CDC42BPB: variants seen among roughly 807,000 people sequenced by gnomAD.
CDC42BPB encodes the protein serine/threonine-protein kinase MRCK beta.
Under a neutral mutation model 214.9 loss-of-function variants are expected in CDC42BPB, and 37 were observed. That is an observed-to-expected ratio of 0.17 (90% confidence interval 0.13 to 0.23). CDC42BPB has a LOEUF of 0.23. Among genes scored for constraint, CDC42BPB ranks in the 10% least tolerant of loss-of-function variants. The probability of loss-of-function intolerance (pLI) is 1.00; values close to 1 mark genes in which losing one functional copy is unlikely to be tolerated. For missense variants in CDC42BPB, 1,694 were observed against 2,227.0 expected, an observed-to-expected ratio of 0.76 and a Z score of 4.82; for synonymous variants, 931 against 884.0, an observed-to-expected ratio of 1.05 and a Z score of -0.94.
intron 11 of CDC42BPB, among the ~76,000 whole-genome samples, chr14:102,974,774 A>G (rs935724644): frequency 6.6e-6 from 1 of 152,056 alleles, no homozygotes; most frequent in African/African-American, 2.4e-5. Flanking sequence ...TGGCTAACAC[A>G]GTGAAATCCT....
At chr14:102,995,811 C>G (rs568602889) in intron 5 of CDC42BPB, among the ~76,000 whole-genome samples, 1 of 152,164 alleles carries the variant, frequency 6.6e-6, no homozygotes, top group Non-Finnish European at 1.5e-5. Flanking sequence ...CATCGGCCAG[C>G]GGCACCACTC....
chr14:102,952,802 G>C, intron 23 of CDC42BPB, 199 bp from the exon 24 acceptor site: 1 of 886,404 alleles, frequency 1.1e-6, no homozygotes, highest in Non-Finnish European at 1.4e-6. Context: ...CTGAGCCAGA[G>C]AGAGGCCAAC....
intron 6 of CDC42BPB, among the ~76,000 whole-genome samples, chr14:102,985,149 G>A (rs553940037): frequency 6.6e-6 from 1 of 151,584 alleles, no homozygotes; most frequent in African/African-American, 2.4e-5. Flanking sequence ...TGGTGTGGAG[G>A]TCAGGAGGGT....
chr14:102,939,354 C>T lies in CDC42BPB; in HGVS notation c.4827+256G>A, dbSNP rs75399242. On this transcript the variant is annotated intron_variant, in intron 34 of 36. Transcript: ENST00000361246. ...CTTAGGAAGCCCTCACAGGCCGAAACGTGGTGGACTCTCACAAGTACCTGC... is the reference window on the plus strand; with the variant it reads ...CTTAGGAAGCCCTCACAGGCCGAAATGTGGTGGACTCTCACAAGTACCTGC... Among the ~76,000 whole-genome samples, 753 of 152,374 alleles carry T rather than the reference C, an allele frequency of 4.9e-3. 4 individuals carry two copies. Among genetic ancestry groups the T allele is most frequent in the Non-Finnish European group, 8.3e-3 (565 of 68,036 alleles).
intron 1 of CDC42BPB, chr14:103,041,525 C>T: frequency 1.4e-6 from 2 of 1,386,522 alleles, no homozygotes; most frequent in South Asian, 1.2e-5. Flanking sequence ...TGGCAGCTGG[C>T]TCGTGGCCAC....
intron 9 of CDC42BPB, among the ~76,000 whole-genome samples, chr14:102,976,576 C>A (rs1893756882): frequency 1.3e-5 from 2 of 152,266 alleles, no homozygotes; most frequent in South Asian, 2.1e-4. Context: ...GAGGCACAGG[C>A]TGAAGCCCAG....
At chr14:103,050,068 C>T (rs1300272513) in intron 1 of CDC42BPB, among the ~76,000 whole-genome samples, 1 of 152,184 alleles carries the variant, frequency 6.6e-6, no homozygotes, top group Non-Finnish European at 1.5e-5. Flanking sequence ...ATTTCAAATT[C>T]TAATACTGAA....
rs1354189397 is a variant in CDC42BPB at position 102,968,327 on chromosome 14, T to G, written c.2272A>C (p.Ile758Leu). ...CTTTCTCGTTCGTATTTATCTTTTATTGTACCTACTGCCTCCTCCATCTCG... is the reference window on the plus strand; with the variant it reads ...CTTTCTCGTTCGTATTTATCTTTTAGTGTACCTACTGCCTCCTCCATCTCG... ...HNEMEEAVGT[I>L]KDKYERERAM... The change falls in exon 16 of 37, where the codon ATA becomes CTA. Residue 758 changes from isoleucine (I) to leucine (L), a missense_variant. By Grantham distance (5) the Ile-to-Leu change is conservative. Coordinates refer to ENST00000361246, the MANE Select transcript of CDC42BPB (RefSeq NM_006035.4). The G allele has an allele frequency of 6.2e-7, 1 of 1,614,188 alleles. No individual in the cohort carries two copies. The highest frequency in any genetic ancestry group is 8.5e-7 in the Non-Finnish European group (1 of 1,180,024).
intron 21 of CDC42BPB, chr14:102,956,474 G>A (rs1892709838): frequency 1.0e-6 from 1 of 971,312 alleles, no homozygotes; most frequent in Non-Finnish European, 1.2e-6. Context: ...AGCTCTAACA[G>A]ACCCAGCCCC....
rs187728219 is a variant in CDC42BPB at position 103,051,562 on chromosome 14, G to A, written c.175+5437C>T. 6.6e-3 allele frequency among the ~76,000 whole-genome samples: 1,007 copies of A among 152,268 alleles called. 5 individuals carry two copies. The highest frequency in any genetic ancestry group is 8.9e-3 in the Non-Finnish European group (605 of 68,024). ...AGTATCACTAATGTCAGCGCAACCA[G>A]GAGACATCTAAGGGCACCTGGCTTG... On this transcript the variant is annotated intron_variant, in intron 1 of 36. Transcript: ENST00000361246.
At chr14:103,044,698 C>T (rs962085228) in intron 1 of CDC42BPB, among the ~76,000 whole-genome samples, 3 of 150,310 alleles carry the variant, frequency 2.0e-5, no homozygotes, top group African/African-American at 2.4e-5. Context: ...TTTGCAGAGA[C>T]GGGGGTCTCA....
chr14:103,028,948 T>C (rs559221218), intron 1 of CDC42BPB, among the ~76,000 whole-genome samples: 6 of 152,310 alleles, frequency 3.9e-5, no homozygotes, highest in Non-Finnish European at 7.3e-5. Flanking sequence ...CTTCTGCATA[T>C]AAACCATTTT....
intron 36 of CDC42BPB, among the ~76,000 whole-genome samples, chr14:102,934,824 A>G (rs551459259): frequency 7.2e-4 from 110 of 152,018 alleles, no homozygotes; most frequent in Non-Finnish European, 1.3e-3. Context: ...ATCCTAACAC[A>G]GTGAAACCCT....
At chr14:102,946,771 C>T (rs1892199031) in intron 27 of CDC42BPB, 87 bp from the exon 28 acceptor site, 5 of 1,532,576 alleles carry the variant, frequency 3.3e-6, no homozygotes, top group South Asian at 2.5e-5. Context: ...GAGCCACGCA[C>T]CCCAGGAGCA....
At chr14:102,970,510 A>C in intron 13 of CDC42BPB, 2 of 318,792 alleles carry the variant, frequency 6.3e-6, no homozygotes, top group Non-Finnish European at 9.1e-6. Flanking sequence ...GAAAGGATAC[A>C]TTTCTTGAAA....
intron 17 of CDC42BPB, 72 bp from the exon 18 acceptor site, chr14:102,966,459 T>C: frequency 1.3e-6 from 2 of 1,583,056 alleles, no homozygotes; most frequent in Non-Finnish European, 1.7e-6. Context: ...GAAGGGGACG[T>C]TCCCGCCTTC....
chr14:103,013,134 G>C (rs1886249864), intron 1 of CDC42BPB, among the ~76,000 whole-genome samples: 1 of 152,220 alleles, frequency 6.6e-6, no homozygotes, highest in Non-Finnish European at 1.5e-5. Context: ...CCTATCGAGA[G>C]AGCAACTGAT....
At chr14:103,033,350 T>G (rs1435455500) in intron 1 of CDC42BPB, among the ~76,000 whole-genome samples, 1 of 152,274 alleles carries the variant, frequency 6.6e-6, no homozygotes, top group South Asian at 2.1e-4. Flanking sequence ...GCCTCCCAAG[T>G]AGCTGGGACT....
At chr14:103,055,350 G>A (rs552816971) in intron 1 of CDC42BPB, among the ~76,000 whole-genome samples, 1 of 152,338 alleles carries the variant, frequency 6.6e-6, no homozygotes, top group East Asian at 1.9e-4. Context: ...TTGAACCCAG[G>A]AGATGGAGGT....
Sources: gnomAD v4.1 joint callset for allele counts (sites outside exome capture counted in the v4.1 genomes callset) on GRCh38, gnomAD v4.1.1 for gene constraint, MANE v1.5 for transcripts, NCBI Gene and HGNC (gene_info 2026-07-23, HGNC 2026-07-21) for gene names.